TBC1D22A: variants seen among roughly 807,000 people sequenced by gnomAD.
TBC1D22A encodes the protein putative GTPase activator.
Under a neutral mutation model 60.2 loss-of-function variants are expected in TBC1D22A, and 38 were observed. The ratio of observed to expected loss-of-function variants is 0.63; its 90% CI spans 0.49 to 0.83. TBC1D22A has a LOEUF of 0.83. Ranked by LOEUF, TBC1D22A falls within the 40% of genes least tolerant of loss-of-function variation. The pLI, the probability that TBC1D22A is intolerant of heterozygous loss-of-function variation, is 0.00. For missense variants in TBC1D22A, 628 were observed against 701.0 expected (o/e 0.90, Z 1.18); for synonymous variants, 302 against 281.7 (o/e 1.07, Z -0.72).
At chr22:46,920,927 T>G (rs750977368) in intron 8 of TBC1D22A, among the ~76,000 whole-genome samples, 1 of 151,762 alleles carries the variant, frequency 6.6e-6, no homozygotes, top group Non-Finnish European at 1.5e-5. Flanking sequence ...TGTGCCACCA[T>G]GCCCGGCTAA....
intron 11 of TBC1D22A, among the ~76,000 whole-genome samples, chr22:47,096,784 A>T (rs994472606): frequency 2.0e-4 from 31 of 152,180 alleles, no homozygotes; most frequent in African/African-American, 3.1e-4. Context: ...ATTGTGCCAC[A>T]GCACTCCAGC....
rs62225153 is a variant in TBC1D22A at position 47,107,684 on chromosome 22, A to G, written c.1330-3824A>G. 8.4e-3 allele frequency among the ~76,000 whole-genome samples: 1,282 copies of G among 152,338 alleles called. 12 individuals are homozygous for G. The highest frequency in any genetic ancestry group is 0.022 in the South Asian group (105 of 4,828). Reference sequence around the variant, plus strand: ...AATCCCAGCAAGCTTTTCTGTAAAAATTGACAAAACAGGTTCTAAAACTTA... The same window carrying G: ...AATCCCAGCAAGCTTTTCTGTAAAAGTTGACAAAACAGGTTCTAAAACTTA... On this transcript the variant is annotated intron_variant, in intron 11 of 12. Transcript: ENST00000337137.
At chr22:47,070,628 C>A (rs1413369198) in intron 11 of TBC1D22A, among the ~76,000 whole-genome samples, 4 of 93,696 alleles carry the variant, frequency 4.3e-5, no homozygotes, top group Non-Finnish European at 6.4e-5. Context: ...TGTTGTTTGG[C>A]TGGAGCGGGG....
intron 11 of TBC1D22A, among the ~76,000 whole-genome samples, chr22:47,089,031 G>A (rs1025441607): frequency 6.6e-6 from 1 of 152,140 alleles, no homozygotes; most frequent in African/African-American, 2.4e-5. Context: ...ATCCCACATG[G>A]CCATGACCAG....
At chr22:46,956,440 C>A (rs2073195479) in intron 8 of TBC1D22A, among the ~76,000 whole-genome samples, 1 of 152,156 alleles carries the variant, frequency 6.6e-6, no homozygotes. Flanking sequence ...ATTTAATTTT[C>A]TTTTTTAAGC....
At chr22:47,159,244 T>C (rs984345001) in intron 12 of TBC1D22A, among the ~76,000 whole-genome samples, 4 of 140,954 alleles carry the variant, frequency 2.8e-5, no homozygotes, top group Middle Eastern at 5.1e-3. Context: ...ACACAAAATA[T>C]ACCATGTATG....
At chr22:46,804,567 C>A (rs1039278265) in intron 4 of TBC1D22A, among the ~76,000 whole-genome samples, 1 of 152,204 alleles carries the variant, frequency 6.6e-6, no homozygotes, top group African/African-American at 2.4e-5. Flanking sequence ...GCTGGCTCCC[C>A]ACTTTCACAG....
intron 7 of TBC1D22A, among the ~76,000 whole-genome samples, chr22:46,904,138 T>TACCTACCTACCTACCTACCTAC (rs2069242058): frequency 3.6e-5 from 2 of 55,262 alleles, no homozygotes; most frequent in African/African-American, 1.3e-4. Context: ...TATCTATCTA[T>TACCTACCTACCTACCTACCTAC]CTATCTACCT....
At chr22:46,959,420 G>A (rs2073378118) in intron 8 of TBC1D22A, among the ~76,000 whole-genome samples, 1 of 152,202 alleles carries the variant, frequency 6.6e-6, no homozygotes, top group African/African-American at 2.4e-5. Flanking sequence ...ACAGGGTGTG[G>A]GTGTGGCTGC....
chr22:46,884,131 A>G (rs1301864542), intron 5 of TBC1D22A, among the ~76,000 whole-genome samples: 2 of 152,014 alleles, frequency 1.3e-5, no homozygotes, highest in Non-Finnish European at 2.9e-5. Context: ...GAAGACAAAC[A>G]ATACACCGAG....
chr22:46,849,570 C>T (rs570997275), intron 4 of TBC1D22A, among the ~76,000 whole-genome samples: 243 of 152,280 alleles, frequency 1.6e-3, no homozygotes, highest in African/African-American at 5.5e-3. Context: ...TACTCTCATC[C>T]CAGCCTGCAA....
At chr22:46,812,709 A>G (rs767664771) in intron 4 of TBC1D22A, among the ~76,000 whole-genome samples, 3 of 152,264 alleles carry the variant, frequency 2.0e-5, no homozygotes, top group Non-Finnish European at 1.5e-5. Context: ...AGATGCAGCC[A>G]GGTAACTCAA....
intron 12 of TBC1D22A, among the ~76,000 whole-genome samples, chr22:47,160,631 T>TG (rs368816976): frequency 6.6e-6 from 1 of 152,344 alleles, no homozygotes; most frequent in East Asian, 1.9e-4. Flanking sequence ...GGGTCTTCGC[T>TG]GGAGCCGTGC....
At chr22:46,915,132 C>T (rs991717166) in intron 8 of TBC1D22A, 3 of 334,042 alleles carry the variant, frequency 9.0e-6, no homozygotes, top group Non-Finnish European at 1.8e-5. Flanking sequence ...GGTCGAGTCC[C>T]AGGGGTGTGC....
At position 46,984,182 on chromosome 22, in the gene TBC1D22A, C is replaced by A. The variant is rs543824013; in HGVS notation, c.1125+9783C>A. ...AGGAGTTCAAGACCAGCCTGGCCAA[C>A]ATGGTAAAACCCTGTCTCTATTAAA... is the stretch of plus-strand genomic sequence containing the variant. On this transcript the variant is annotated intron_variant, in intron 9 of 12. Transcript: ENST00000337137. Among the ~76,000 whole-genome samples the A allele has an allele frequency of 5.9e-5, 9 of 151,748 alleles. No individual in the cohort carries two copies. The South Asian group carries it at 8.3e-4, about 14-fold the overall frequency.
chr22:47,150,216 GCACCGC>G (rs1461736432), intron 12 of TBC1D22A, among the ~76,000 whole-genome samples: 1 of 152,130 alleles, frequency 6.6e-6, no homozygotes, highest in African/African-American at 2.4e-5. Context: ...ACAGTCCGGA[GCACCGC>G]CACGCCCATT....
intron 10 of TBC1D22A, among the ~76,000 whole-genome samples, chr22:47,011,525 A>G (rs1389208015): frequency 6.6e-6 from 1 of 152,184 alleles, no homozygotes; most frequent in East Asian, 1.9e-4. Flanking sequence ...CCCAGTTTCT[A>G]GAGCGGCCTC....
chr22:47,052,837 C>T (rs777136077), intron 11 of TBC1D22A, among the ~76,000 whole-genome samples: 3 of 152,350 alleles, frequency 2.0e-5, no homozygotes, highest in Middle Eastern at 3.4e-3. Flanking sequence ...GCCCACCACA[C>T]GGTGGTGCCC....
At chr22:46,775,579 G>T (rs1403457314) in intron 1 of TBC1D22A, among the ~76,000 whole-genome samples, 2 of 152,178 alleles carry the variant, frequency 1.3e-5, no homozygotes, top group Non-Finnish European at 2.9e-5. Flanking sequence ...GCTGCCTCCT[G>T]GAAGGGCTGG....
Sources: allele counts gnomAD v4.1 joint callset (sites outside exome capture counted in the v4.1 genomes callset), GRCh38; gene constraint gnomAD v4.1.1; transcripts MANE v1.5; gene names NCBI Gene and HGNC (gene_info 2026-07-23, HGNC 2026-07-21).